Variants in CADPS observed in about 807,000 individuals in gnomAD.
CADPS encodes calcium dependent secretion activator.
CADPS carries 57 observed loss-of-function variants against 167.3 expected under a neutral mutation model. That is an observed-to-expected ratio of 0.34 (90% confidence interval 0.28 to 0.42). CADPS has a LOEUF of 0.42. Ranked by LOEUF, CADPS falls within the 20% of genes least tolerant of loss-of-function variation. The probability of loss-of-function intolerance (pLI) is 1.00; values close to 1 mark genes in which losing one functional copy is unlikely to be tolerated. For synonymous variants in CADPS, 676 were observed against 635.3 expected (o/e 1.06, Z -0.96); for missense variants, 1,414 against 1,738.1 (o/e 0.81, Z 3.32).
At chr3:62,489,873 T>C (rs2063420084) in intron 21 of CADPS, among the ~76,000 whole-genome samples, 1 of 152,154 alleles carries the variant, frequency 6.6e-6, no homozygotes, top group African/African-American at 2.4e-5. Context: ...TAATTTACCA[T>C]CAAGGGATCC....
At chr3:62,656,909 T>G (rs2071761409) in intron 4 of CADPS, among the ~76,000 whole-genome samples, 3 of 152,122 alleles carry the variant, frequency 2.0e-5, no homozygotes, top group Non-Finnish European at 4.4e-5. Flanking sequence ...GCATTTATAT[T>G]TTTCCGTGAG....
At chr3:62,766,826 T>C (rs139997347) in intron 1 of CADPS, among the ~76,000 whole-genome samples, 5 of 152,288 alleles carry the variant, frequency 3.3e-5, no homozygotes, top group African/African-American at 1.2e-4. Flanking sequence ...TCCCAGCCCC[T>C]AGGTTAGGGG....
intron 3 of CADPS, among the ~76,000 whole-genome samples, chr3:62,726,257 C>T (rs545056316): frequency 6.6e-6 from 1 of 151,998 alleles, no homozygotes; most frequent in African/African-American, 2.4e-5. Flanking sequence ...GGAAGGATGA[C>T]AGGCACAAAG....
At chr3:62,563,373 A>G (rs1369098276) in intron 9 of CADPS, among the ~76,000 whole-genome samples, 7 of 152,286 alleles carry the variant, frequency 4.6e-5, no homozygotes, top group African/African-American at 1.4e-4. Context: ...AAGGCATTAT[A>G]TATTATCTAA....
intron 23 of CADPS, among the ~76,000 whole-genome samples, chr3:62,475,385 T>C (rs1455770958): frequency 1.3e-5 from 2 of 152,106 alleles, no homozygotes; most frequent in East Asian, 3.9e-4. Context: ...CTTTTTGGCA[T>C]TGTTCACTGT....
intron 6 of CADPS, among the ~76,000 whole-genome samples, chr3:62,603,919 C>G (rs929257266): frequency 6.6e-6 from 1 of 151,892 alleles, no homozygotes; most frequent in Non-Finnish European, 1.5e-5. Context: ...CTCCACCTCC[C>G]GGGTTCATGC....
intron 7 of CADPS, 125 bp from the exon 8 acceptor site, chr3:62,585,449 G>C (rs1353949175): frequency 6.6e-6 from 6 of 902,416 alleles, no homozygotes; most frequent in Non-Finnish European, 8.2e-6. Flanking sequence ...GCCATACCTG[G>C]GGATAGAAAC....
intron 11 of CADPS, among the ~76,000 whole-genome samples, chr3:62,547,003 G>C (rs1372991417): frequency 6.6e-6 from 1 of 152,044 alleles, no homozygotes; most frequent in African/African-American, 2.4e-5. Context: ...TTCCTTTCTT[G>C]ATCTTTTTGT....
At chr3:62,679,456 G>A (rs972754256) in intron 3 of CADPS, among the ~76,000 whole-genome samples, 1 of 151,948 alleles carries the variant, frequency 6.6e-6, no homozygotes, top group African/African-American at 2.4e-5. Context: ...CCCAGAGATG[G>A]GAGCTTATGT....
At chr3:62,792,995 A>G (rs1225046845) in intron 1 of CADPS, among the ~76,000 whole-genome samples, 1 of 152,204 alleles carries the variant, frequency 6.6e-6, no homozygotes, top group African/African-American at 2.4e-5. Flanking sequence ...GCCACCTAGC[A>G]GCACATTTTA....
chr3:62,474,170 T>TTTTTTTTTTTTTTAAC lies in CADPS; in HGVS notation c.3477+2_3477+3insGTTAAAAAAAAAAAAA. On this transcript the variant is annotated splice_region_variant and intron_variant, in intron 24 of 29. Transcript: ENST00000383710. ...AAATCTGTATTTTTTTTTTTTTTTT[T>TTTTTTTTTTTTTTAAC]ACCTCTTGGCCCATTTCCATGCTGC... 1.4e-6 allele frequency: 2 copies of TTTTTTTTTTTTTTAAC among 1,475,384 alleles called. No homozygotes were observed. The highest frequency in any genetic ancestry group is 1.8e-6 in the Non-Finnish European group (2 of 1,105,874). The allele number at this position is 1,475,384 out of a possible 1,614,324, so 91.4% of individuals were successfully genotyped here.
At chr3:62,658,563 A>G (rs1466951046) in intron 4 of CADPS, among the ~76,000 whole-genome samples, 1 of 152,116 alleles carries the variant, frequency 6.6e-6, no homozygotes, top group Non-Finnish European at 1.5e-5. Flanking sequence ...CATCTTTCTC[A>G]TTAGGTTGTT....
intron 1 of CADPS, among the ~76,000 whole-genome samples, chr3:62,798,273 A>T (rs2093563554): frequency 6.6e-6 from 1 of 152,152 alleles, no homozygotes; most frequent in African/African-American, 2.4e-5. Flanking sequence ...CCATCTAATC[A>T]GCTGCCAGTG....
At chr3:62,682,236 G>C (rs1319105425) in intron 3 of CADPS, among the ~76,000 whole-genome samples, 1 of 151,986 alleles carries the variant, frequency 6.6e-6, no homozygotes, top group African/African-American at 2.4e-5. Context: ...ACTTTTTTTG[G>C]AAATTAAGGA....
At chr3:62,749,440 G>A (rs1204240308) in intron 3 of CADPS, among the ~76,000 whole-genome samples, 1 of 152,214 alleles carries the variant, frequency 6.6e-6, no homozygotes, top group Non-Finnish European at 1.5e-5. Flanking sequence ...ATATGCGTAA[G>A]AGGAAAACAT....
At chr3:62,656,332 A>C (rs900780857) in intron 4 of CADPS, among the ~76,000 whole-genome samples, 2 of 152,180 alleles carry the variant, frequency 1.3e-5, no homozygotes, top group Non-Finnish European at 2.9e-5. Flanking sequence ...AAAACTTTAC[A>C]TGCTTTATTT....
Position 62,874,975 on chromosome 3 carries a change from TCTC to T in CADPS, c.52_54del (p.Glu18del), listed in dbSNP as rs771091706. On this transcript the variant is annotated inframe_deletion, in exon 1 of 30. Coordinates refer to ENST00000383710, the MANE Select transcript of CADPS (RefSeq NM_003716.4). The surrounding 1 kb of genome is among the most constrained non-coding windows in gnomAD (Gnocchi z 7.1). Reference sequence around the variant, plus strand: ...GCCGAGCCGAGCACCTCCTTGCCGCTCTCCTCCTCCACGATCTCATCCGATTCT... The same window carrying T: ...GCCGAGCCGAGCACCTCCTTGCCGCTCTCCTCCACGATCTCATCCGATTCT... The T allele has an allele frequency of 6.4e-5, 102 of 1,593,652 alleles. No homozygotes were observed. Among genetic ancestry groups the T allele is most frequent in the Non-Finnish European group, 8.2e-5 (96 of 1,170,868 alleles).
At chr3:62,463,933 T>A (rs1432722297) in intron 26 of CADPS, among the ~76,000 whole-genome samples, 3 of 152,234 alleles carry the variant, frequency 2.0e-5, no homozygotes, top group Non-Finnish European at 4.4e-5. Flanking sequence ...TTAAATGTTC[T>A]GTTTATATTT....
Position 62,618,195 on chromosome 3 carries a change from C to T in CADPS, c.1326-25447G>A, listed in dbSNP as rs141386612. Among the ~76,000 whole-genome samples the T allele has an allele frequency of 3.5e-3, 536 of 152,216 alleles. 3 individuals carry two copies. The highest frequency in any genetic ancestry group is 0.012 in the African/African-American group (495 of 41,538). On this transcript the variant is annotated intron_variant, in intron 6 of 29. Coordinates refer to ENST00000383710, the MANE Select transcript of CADPS (RefSeq NM_003716.4). Reference sequence around the variant, plus strand: ...TGAGTTACTGGTAGCAACCAGCTTGCCTCCATGAGGAGAAAGGCTACCTAA... The same window carrying T: ...TGAGTTACTGGTAGCAACCAGCTTGTCTCCATGAGGAGAAAGGCTACCTAA...
Sources: allele counts gnomAD v4.1 joint callset (sites outside exome capture counted in the v4.1 genomes callset), GRCh38; gene constraint gnomAD v4.1.1; non-coding constraint Gnocchi (gnomAD v3.1); transcripts MANE v1.5; gene names NCBI Gene and HGNC (gene_info 2026-07-23, HGNC 2026-07-21).